The following TENM1 variants were observed in gnomAD, a reference collection of about 807,000 sequenced individuals.
The protein encoded by TENM1 is teneurin-1.
TENM1 carries 35 observed loss-of-function variants against 174.8 expected under a neutral mutation model. That is an observed-to-expected ratio of 0.20 (90% CI 0.15 to 0.27). TENM1 has a LOEUF of 0.27. TENM1 is among the 10% of genes least tolerant of loss of function. The pLI, the probability that TENM1 is intolerant of heterozygous loss-of-function variation, is 1.00. For synonymous variants in TENM1, 781 were observed against 798.7 expected, an observed-to-expected ratio of 0.98 and a Z score of 0.37; for missense variants, 1,633 against 2,130.1, an observed-to-expected ratio of 0.77 and a Z score of 4.59.
At chrX:125,161,039 TAA>T in the TENM1 span, among the ~76,000 whole-genome samples, 1,168 of 53,407 alleles carry the variant, frequency 0.022, 22 homozygotes, top group African/African-American at 0.077. Context: ...GGCCAAAAAG[TAA>T]AAAAAAAAAA....
chrX:124,539,921 G>C (rs1487110696), intron 15 of TENM1, among the ~76,000 whole-genome samples: 18 of 111,247 alleles, frequency 1.6e-4, no homozygotes. Flanking sequence ...AAAACTTCCA[G>C]GTCAGTTTCA....
chrX:124,864,733 C>T (rs2056972384), intron 3 of TENM1, among the ~76,000 whole-genome samples: 1 of 110,396 alleles, frequency 9.1e-6, no homozygotes, highest in Admixed American at 9.7e-5. Context: ...CCTAGAGAAA[C>T]ATATCAATAA....
At chrX:124,745,776 A>C (rs752292459) in intron 3 of TENM1, among the ~76,000 whole-genome samples, 3 of 111,969 alleles carry the variant, frequency 2.7e-5, no homozygotes, top group African/African-American at 9.7e-5. Context: ...GGAAATAGGA[A>C]GCATTAAAAA....
At chrX:124,511,447 T>C (rs964988643) in intron 18 of TENM1, among the ~76,000 whole-genome samples, 1 of 111,310 alleles carries the variant, frequency 9.0e-6, no homozygotes, top group Non-Finnish European at 1.9e-5. Flanking sequence ...GGGTACTCAG[T>C]AAGGTGGGTT....
Position 124,853,065 on chromosome X carries a change from C to A in TENM1, c.535+41231G>T, listed in dbSNP as rs147195355. 7.2e-5 allele frequency among the ~76,000 whole-genome samples: 8 copies of A among 111,691 alleles called. No homozygotes were observed. The East Asian group carries it at 2.3e-3, about 32-fold the overall frequency. On this transcript the variant is annotated intron_variant, in intron 3 of 31. Transcript: ENST00000422452. ...TTTGTTCCTGCTATGTGTCAAACTT[C>A]GTTTTAGTTGATAAGAATTCAGGCA...
chrX:124,409,468 C>G (rs1467967876), intron 25 of TENM1, among the ~76,000 whole-genome samples: 5 of 108,196 alleles, frequency 4.6e-5, no homozygotes, highest in African/African-American at 1.7e-4. Context: ...TGGCACAAGA[C>G]AGGGATGCCC....
intron 13 of TENM1, among the ~76,000 whole-genome samples, chrX:124,562,830 T>C (rs1241294794): frequency 8.9e-6 from 1 of 112,316 alleles, no homozygotes; most frequent in Non-Finnish European, 1.9e-5. Context: ...CAGTCAATAT[T>C]CATTTCGGTT....
chrX:125,072,549 G>A, the TENM1 span, among the ~76,000 whole-genome samples: 1 of 111,389 alleles, frequency 9.0e-6, no homozygotes, highest in East Asian at 2.8e-4. Flanking sequence ...CACAGGAAGT[G>A]TCATTAGGCA....
At chrX:124,631,969 G>A (rs1387805046) in intron 11 of TENM1, among the ~76,000 whole-genome samples, 1 of 97,202 alleles carries the variant, frequency 1.0e-5, no homozygotes, top group African/African-American at 3.8e-5. Context: ...CTGGAGTACA[G>A]TGGCGCAATC....
the TENM1 span, among the ~76,000 whole-genome samples, chrX:125,139,778 T>C: frequency 9.4e-6 from 1 of 106,135 alleles, no homozygotes; most frequent in African/African-American, 3.5e-5. Context: ...CTTTAGCCTA[T>C]AATAAAAGCA....
intron 14 of TENM1, among the ~76,000 whole-genome samples, chrX:124,560,191 T>TTGTGTGTG (rs375476919): frequency 0.046 from 4,036 of 88,147 alleles, 105 homozygotes; most frequent in African/African-American, 0.061. Context: ...TCTCTTCTAT[T>TTGTGTGTG]TGTGTGTGTG....
At chrX:124,595,428 C>T in intron 11 of TENM1, among the ~76,000 whole-genome samples, 1 of 111,610 alleles carries the variant, frequency 9.0e-6, no homozygotes, top group Admixed American at 9.5e-5. Flanking sequence ...AGAAAGGAAA[C>T]AATCTGAAAT....
chrX:125,028,813 G>A, the TENM1 span, among the ~76,000 whole-genome samples: 1 of 111,355 alleles, frequency 9.0e-6, no homozygotes, highest in Non-Finnish European at 1.9e-5. Flanking sequence ...TACATCTAGG[G>A]TGAAAGAGGG....
chrX:124,621,435 T>G (rs963669911), intron 11 of TENM1, among the ~76,000 whole-genome samples: 18 of 112,115 alleles, frequency 1.6e-4, no homozygotes, highest in South Asian at 3.7e-4. Context: ...ATCACGCCAC[T>G]GCATTCCAGC....
At chrX:124,884,775 T>C (rs2057355733) in intron 3 of TENM1, among the ~76,000 whole-genome samples, 1 of 112,031 alleles carries the variant, frequency 8.9e-6, no homozygotes, top group Admixed American at 9.5e-5. Flanking sequence ...TTCCTTTCTC[T>C]CTCTAATGAC....
intron 5 of TENM1, among the ~76,000 whole-genome samples, chrX:124,696,920 C>G (rs1160721351): frequency 9.0e-6 from 1 of 110,853 alleles, no homozygotes; most frequent in Non-Finnish European, 1.9e-5. Context: ...ATCACATTTC[C>G]ATTCATTTTT....
At chrX:124,556,942 G>A (rs1410114433) in intron 14 of TENM1, among the ~76,000 whole-genome samples, 2 of 111,706 alleles carry the variant, frequency 1.8e-5, no homozygotes, top group Non-Finnish European at 3.8e-5. Flanking sequence ...TAGACCATAA[G>A]CTCCATGAAG....
At chrX:124,486,044 T>A (rs1474408530) in intron 21 of TENM1, among the ~76,000 whole-genome samples, 4 of 111,971 alleles carry the variant, frequency 3.6e-5, no homozygotes, top group African/African-American at 1.3e-4. Flanking sequence ...TATCAATATG[T>A]AACTTGCCAT....
the TENM1 span, among the ~76,000 whole-genome samples, chrX:125,161,166 C>T: frequency 3.6e-5 from 4 of 109,961 alleles, no homozygotes; most frequent in Non-Finnish European, 5.7e-5. Flanking sequence ...AGGGTTGGTT[C>T]CAGGACTGCT....
Sources: gnomAD v4.1 joint callset for allele counts (sites outside exome capture counted in the v4.1 genomes callset) on GRCh38, gnomAD v4.1.1 for gene constraint, MANE v1.5 for transcripts, NCBI Gene and HGNC (gene_info 2026-07-23, HGNC 2026-07-21) for gene names.